Variants in CHN1 observed in about 807,000 individuals in gnomAD.
The protein encoded by CHN1 is chimerin 1.
A neutral mutation model predicts 59.5 loss-of-function variants in CHN1; 37 were observed. The observed-to-expected ratio is 0.62, with a 90% confidence interval of 0.48 to 0.82. CHN1 has a LOEUF of 0.82. Among genes scored for constraint, CHN1 ranks in the 40% least tolerant of loss-of-function variants. CHN1 has a pLI of 0.00. For synonymous variants in CHN1, 206 were observed against 200.4 expected (o/e 1.03, Z -0.24); for missense variants, 469 against 571.0 (o/e 0.82, Z 1.82).
At chr2:174,971,319 T>C (rs1181412591) in intron 1 of CHN1, among the ~76,000 whole-genome samples, 1 of 151,354 alleles carries the variant, frequency 6.6e-6, no homozygotes, top group Non-Finnish European at 1.5e-5. Flanking sequence ...CTCCGTCTCT[T>C]AAAAAAAAAG....
chr2:174,853,401 T>C (rs1686800715), intron 6 of CHN1, among the ~76,000 whole-genome samples: 1 of 152,060 alleles, frequency 6.6e-6, no homozygotes, highest in Admixed American at 6.6e-5. Flanking sequence ...TGAGATACCA[T>C]CTCACACCAG....
At chr2:174,867,230 G>T (rs949329774) in intron 6 of CHN1, among the ~76,000 whole-genome samples, 1 of 151,900 alleles carries the variant, frequency 6.6e-6, no homozygotes, top group Non-Finnish European at 1.5e-5. Context: ...AAAAAAATTA[G>T]CTGAGCGTGG....
intron 5 of CHN1, 43 bp from the exon 6 acceptor site, chr2:174,878,171 C>T: frequency 6.9e-7 from 1 of 1,439,156 alleles, no homozygotes; most frequent in Non-Finnish European, 9.3e-7. Context: ...GAAAAGTAAG[C>T]AACTGAATTC....
intron 5 of CHN1, among the ~76,000 whole-genome samples, chr2:174,893,115 G>A (rs761813156): frequency 3.9e-5 from 6 of 152,148 alleles, no homozygotes; most frequent in African/African-American, 7.2e-5. Flanking sequence ...GGAAGTTCTT[G>A]GCAGAGCAAT....
At chr2:174,927,892 A>G (rs1689223389) in intron 3 of CHN1, among the ~76,000 whole-genome samples, 2 of 152,312 alleles carry the variant, frequency 1.3e-5, no homozygotes, top group South Asian at 4.1e-4. Flanking sequence ...TGAAAATAAT[A>G]TGACTACACT....
At chr2:174,918,512 T>C in intron 4 of CHN1, 22 bp downstream of exon 4, 1 of 1,565,074 alleles carries the variant, frequency 6.4e-7, no homozygotes, top group Non-Finnish European at 8.7e-7. Context: ...CTATAAAACG[T>C]TTTCTAATAA....
At chr2:174,990,729 A>G (rs1172299402) in intron 1 of CHN1, among the ~76,000 whole-genome samples, 1 of 152,238 alleles carries the variant, frequency 6.6e-6, no homozygotes, top group Non-Finnish European at 1.5e-5. Flanking sequence ...CCAGGAATAT[A>G]CAATAACTTT....
At chr2:174,875,670 G>A (rs1039610743) in intron 6 of CHN1, 3 of 290,252 alleles carry the variant, frequency 1.0e-5, no homozygotes, top group Non-Finnish European at 1.5e-5. Context: ...TGGCCTCTGA[G>A]GTAAAGAATT....
At chr2:174,905,338 C>A (rs972016906) in intron 5 of CHN1, among the ~76,000 whole-genome samples, 1 of 152,014 alleles carries the variant, frequency 6.6e-6, no homozygotes, top group African/African-American at 2.4e-5. Context: ...TTTCTATTAG[C>A]CCCAAAATGT....
intron 1 of CHN1, among the ~76,000 whole-genome samples, chr2:174,969,325 C>T (rs575451396): frequency 6.6e-6 from 1 of 152,210 alleles, no homozygotes; most frequent in Non-Finnish European, 1.5e-5. Flanking sequence ...CATCTGGTAA[C>T]TTGGAAATGC....
intron 3 of CHN1, among the ~76,000 whole-genome samples, chr2:174,934,355 C>T (rs966083203): frequency 6.6e-6 from 1 of 152,206 alleles, no homozygotes; most frequent in African/African-American, 2.4e-5. Context: ...AGGGGTCACA[C>T]TCCTATGAGA....
intron 8 of CHN1, among the ~76,000 whole-genome samples, chr2:174,822,593 C>G (rs769769122): frequency 6.6e-6 from 1 of 152,188 alleles, no homozygotes; most frequent in Non-Finnish European, 1.5e-5. Context: ...AGAGTATCAG[C>G]TGGACAAGAC....
intron 6 of CHN1, among the ~76,000 whole-genome samples, chr2:174,861,776 A>G (rs1687076574): frequency 6.6e-6 from 1 of 152,228 alleles, no homozygotes; most frequent in Admixed American, 6.5e-5. Context: ...CTGAGAGAAC[A>G]TGTGCCACCT....
intron 1 of CHN1, among the ~76,000 whole-genome samples, chr2:174,962,737 C>T (rs866680146): frequency 2.0e-5 from 3 of 148,098 alleles, no homozygotes; most frequent in African/African-American, 5.0e-5. Flanking sequence ...GGGTGAAACC[C>T]GGCCTCTACT....
In CHN1 at chr2:175,000,211, G is replaced by C. The variant is rs1323931126; in HGVS notation, c.19+4683C>G. Among the ~76,000 whole-genome samples the C allele has an allele frequency of 2.8e-5, 4 of 145,398 alleles. No individual in the cohort carries two copies. In the Admixed American group the frequency reaches 2.9e-4, roughly 10 times the overall value. ...GCTAGAGTGCAGTGGTGTGATCTCA[G>C]CTCACTGCAACCTCTACCTCCTGGG... On this transcript the variant is annotated intron_variant, in intron 1 of 12. Coordinates refer to ENST00000409900, the MANE Select transcript of CHN1 (RefSeq NM_001822.7).
At chr2:174,812,525 A>G in intron 8 of CHN1, 43 bp from the exon 9 acceptor site, 1 of 1,602,056 alleles carries the variant, frequency 6.2e-7, no homozygotes, top group Non-Finnish European at 8.5e-7. Flanking sequence ...TATTATTTTC[A>G]GAGTTTTGAG....
rs532132851 is a variant in CHN1, at chr2:174,954,546, C to T, written c.20-2344G>A. ...GAGAAATCTTCACAATCTATACATCCGACAAAGGACTAATATCCAGAATCT... is the reference window on the plus strand; with the variant it reads ...GAGAAATCTTCACAATCTATACATCTGACAAAGGACTAATATCCAGAATCT... On this transcript the variant is annotated intron_variant, in intron 1 of 12. Transcript: ENST00000409900. 1.2e-4 allele frequency among the ~76,000 whole-genome samples: 18 copies of T among 152,066 alleles called. 1 individual carries two copies. The highest frequency in any genetic ancestry group is 3.3e-4 in the Admixed American group (5 of 15,262).
chr2:174,879,020 G>T (rs1574119104), intron 5 of CHN1, among the ~76,000 whole-genome samples: 1 of 152,168 alleles, frequency 6.6e-6, no homozygotes, highest in South Asian at 2.1e-4. Flanking sequence ...ATGTCAAAAG[G>T]CAACAAGGCA....
chr2:174,806,013 A>C (rs1263942944), intron 11 of CHN1, among the ~76,000 whole-genome samples: 1 of 152,172 alleles, frequency 6.6e-6, no homozygotes, highest in Non-Finnish European at 1.5e-5. Flanking sequence ...AGGGAGCTCA[A>C]CTTTGGCAGT....
Sources: gnomAD v4.1 joint callset for allele counts (sites outside exome capture counted in the v4.1 genomes callset) on GRCh38, gnomAD v4.1.1 for gene constraint, MANE v1.5 for transcripts, NCBI Gene and HGNC (gene_info 2026-07-23, HGNC 2026-07-21) for gene names.